LRFN5: variants seen among roughly 807,000 people sequenced by gnomAD.
LRFN5 encodes leucine rich repeat and fibronectin type III domain containing 5, also known as leucine-rich repeat and fibronectin type-III domain-containing protein 5.
Under a neutral mutation model 45.6 loss-of-function variants are expected in LRFN5, and 24 were observed. The observed-to-expected ratio is 0.53, with a 90% CI of 0.38 to 0.74. The LOEUF (loss-of-function observed/expected upper bound fraction) is 0.74. Among genes scored for constraint, LRFN5 ranks in the 30% least tolerant of loss-of-function variants. The pLI is 0.00. For missense variants in LRFN5, 776 were observed against 861.5 expected, an observed-to-expected ratio of 0.90 and a Z score of 1.24; for synonymous variants, 340 against 313.8, an observed-to-expected ratio of 1.08 and a Z score of -0.88.
intron 2 of LRFN5, among the ~76,000 whole-genome samples, chr14:41,780,269 C>G (rs1886435101): frequency 6.6e-6 from 1 of 151,862 alleles, no homozygotes; most frequent in African/African-American, 2.4e-5. Context: ...ACATTTATTT[C>G]CATAGTCATC....
Position 41,886,693 on chromosome 14 carries a change from G to A in LRFN5, c.68G>A (p.Arg23His), listed in dbSNP as rs553209511. ...IAVKAQICPK[R>H]CVCQILSPNL... ...GTGAAAGCTCAGATCTGTCCAAAGC[G>A]TTGTGTCTGTCAGATTTTGTCTCCT... The change falls in exon 3 of 6, where the codon CGT becomes CAT. Residue 23 changes from arginine to histidine, a missense_variant. Transcript: ENST00000298119. 5.6e-6 allele frequency: 9 copies of A among 1,613,968 alleles called. No homozygotes were observed. The highest frequency in any genetic ancestry group is 4.5e-5 in the East Asian group (2 of 44,868).
At chr14:41,668,026 G>A (rs981696086) in intron 1 of LRFN5, among the ~76,000 whole-genome samples, 2 of 152,086 alleles carry the variant, frequency 1.3e-5, no homozygotes, top group Admixed American at 6.6e-5. Flanking sequence ...TGGGAAGGTC[G>A]AACCTTGTGC....
chr14:41,894,863 T>C (rs2139168931), intron 4 of LRFN5: 2 of 982,646 alleles, frequency 2.0e-6, no homozygotes, highest in Non-Finnish European at 2.4e-6. Flanking sequence ...CTTGTTTTGC[T>C]TTCTGTCATT....
chr14:41,788,004 T>C (rs1004572835), intron 2 of LRFN5, among the ~76,000 whole-genome samples: 1 of 152,048 alleles, frequency 6.6e-6, no homozygotes, highest in African/African-American at 2.4e-5. Flanking sequence ...CATGAAGATA[T>C]AGTGAGAAGG....
intron 2 of LRFN5, among the ~76,000 whole-genome samples, chr14:41,856,746 C>G (rs1409797727): frequency 8.0e-6 from 1 of 124,558 alleles, no homozygotes; most frequent in Non-Finnish European, 1.6e-5. Context: ...GCGCGATCTC[C>G]GCTCACTGCA....
intron 1 of LRFN5, among the ~76,000 whole-genome samples, chr14:41,764,923 A>G (rs1885817307): frequency 6.6e-6 from 1 of 152,094 alleles, no homozygotes; most frequent in African/African-American, 2.4e-5. Flanking sequence ...AAAATCCCAG[A>G]AAGGTGTACT....
At chr14:41,775,820 G>A (rs573700102) in intron 2 of LRFN5, among the ~76,000 whole-genome samples, 16 of 152,248 alleles carry the variant, frequency 1.1e-4, no homozygotes, top group Admixed American at 2.6e-4. Flanking sequence ...TAATGTTCTC[G>A]TTTTATCAAG....
intron 2 of LRFN5, among the ~76,000 whole-genome samples, chr14:41,873,924 A>G (rs1890106051): frequency 6.6e-6 from 1 of 152,248 alleles, no homozygotes; most frequent in Admixed American, 6.5e-5. Context: ...GGATAGTTTG[A>G]TATCTCTGTG....
intron 1 of LRFN5, among the ~76,000 whole-genome samples, chr14:41,612,825 G>T (rs1887801973): frequency 6.6e-6 from 1 of 152,014 alleles, no homozygotes. Context: ...AACATAAATT[G>T]TATGTTATTA....
At chr14:41,883,216 C>A (rs1890449187) in intron 2 of LRFN5, among the ~76,000 whole-genome samples, 1 of 150,782 alleles carries the variant, frequency 6.6e-6, no homozygotes, top group African/African-American at 2.4e-5. Flanking sequence ...TCTTTGTATT[C>A]CAAAGATTAT....
At chr14:41,791,369 A>G (rs994392844) in intron 2 of LRFN5, among the ~76,000 whole-genome samples, 1 of 152,012 alleles carries the variant, frequency 6.6e-6, no homozygotes, top group African/African-American at 2.4e-5. Context: ...GATTTCTGTT[A>G]TAGTTATCTA....
At chr14:41,741,246 A>C (rs544995187) in intron 1 of LRFN5, among the ~76,000 whole-genome samples, 1 of 151,898 alleles carries the variant, frequency 6.6e-6, no homozygotes, top group African/African-American at 2.4e-5. Flanking sequence ...TGAATAGCTG[A>C]AGCAATTGAG....
chr14:41,868,520 G>C (rs1433865287), intron 2 of LRFN5, among the ~76,000 whole-genome samples: 4 of 151,990 alleles, frequency 2.6e-5, no homozygotes, highest in African/African-American at 9.7e-5. Flanking sequence ...TTAAAAATTG[G>C]CCTCTCCAGA....
At chr14:41,900,824 A>G (rs1384557402) in intron 5 of LRFN5, among the ~76,000 whole-genome samples, 1 of 152,126 alleles carries the variant, frequency 6.6e-6, no homozygotes, top group Non-Finnish European at 1.5e-5. Context: ...TACTGAAGAC[A>G]GTGTGTGACC....
At chr14:41,613,373 A>G (rs1455298849) in intron 1 of LRFN5, among the ~76,000 whole-genome samples, 2 of 152,058 alleles carry the variant, frequency 1.3e-5, no homozygotes, top group African/African-American at 4.8e-5. Context: ...CATTCCAACC[A>G]TGGCACATAT....
intron 2 of LRFN5, among the ~76,000 whole-genome samples, chr14:41,870,996 T>C (rs1211383289): frequency 6.6e-6 from 1 of 152,116 alleles, no homozygotes; most frequent in Non-Finnish European, 1.5e-5. Context: ...CATATTAGGT[T>C]GCATATGTCA....
At chr14:41,745,106 G>A (rs1884869265) in intron 1 of LRFN5, among the ~76,000 whole-genome samples, 1 of 151,932 alleles carries the variant, frequency 6.6e-6, no homozygotes, top group African/African-American at 2.4e-5. Flanking sequence ...ACATTTTTCA[G>A]GATAGAACAT....
intron 3 of LRFN5, 25 bp downstream of exon 3, chr14:41,888,035 A>G: frequency 6.6e-7 from 1 of 1,525,378 alleles, no homozygotes; most frequent in Non-Finnish European, 8.9e-7. Context: ...GCAAATTTGT[A>G]TACTTACCAT....
chr14:41,831,395 C>A (rs1212222596), intron 2 of LRFN5, among the ~76,000 whole-genome samples: 1 of 152,098 alleles, frequency 6.6e-6, no homozygotes, highest in Non-Finnish European at 1.5e-5. Context: ...AACACACATT[C>A]TATACATACC....
Sources: allele counts gnomAD v4.1 joint callset (sites outside exome capture counted in the v4.1 genomes callset), GRCh38; gene constraint gnomAD v4.1.1; transcripts MANE v1.5; gene names NCBI Gene and HGNC (gene_info 2026-07-23, HGNC 2026-07-21).